CLCA4: variants seen among roughly 807,000 people sequenced by gnomAD.
CLCA4 encodes calcium-activated chloride channel regulator 4.
In CLCA4, 69 loss-of-function variants were observed where a neutral mutation model predicts 78.9. The observed-to-expected ratio is 0.87, with a 90% CI of 0.72 to 1.07. The LOEUF (loss-of-function observed/expected upper bound fraction) is 1.07, where lower values mean the gene tolerates loss of function less well. Ranked by LOEUF, CLCA4 falls within the 50% of genes least tolerant of loss-of-function variation. The pLI is 0.00. For missense variants in CLCA4, 1,133 were observed against 1,095.8 expected, an observed-to-expected ratio of 1.03 and a Z score of -0.48; for synonymous variants, 362 against 375.8, an observed-to-expected ratio of 0.96 and a Z score of 0.42.
At chr1:86,567,331 G>A in intron 6 of CLCA4, 93 bp from the exon 7 acceptor site, 2 of 1,041,032 alleles carry the variant, frequency 1.9e-6, no homozygotes, top group Non-Finnish European at 2.8e-6. Flanking sequence ...CATAGAAAAT[G>A]TTACCAATAA....
chr1:86,577,770 A>T, intron 11 of CLCA4, 132 bp from the exon 12 acceptor site: 1 of 667,370 alleles, frequency 1.5e-6, no homozygotes, highest in South Asian at 2.1e-5. Flanking sequence ...ATATAATGGA[A>T]ATATTCTCCA....
At chr1:86,579,208 G>A (rs1370332062) in intron 12 of CLCA4, 146 bp from the exon 13 acceptor site, 1 of 638,780 alleles carries the variant, frequency 1.6e-6, no homozygotes, top group African/African-American at 1.8e-5. Flanking sequence ...TCACCAGTTG[G>A]GCGCTTATGA....
chr1:86,579,204 G>A (rs1346709036), intron 12 of CLCA4, 150 bp from the exon 13 acceptor site: 1 of 635,216 alleles, frequency 1.6e-6, no homozygotes, highest in East Asian at 2.7e-5. Context: ...TCTCTCACCA[G>A]TTGGGCGCTT....
rs556125497 is a variant in CLCA4 at position 86,558,016 on chromosome 1, CT to C, written c.160-1910del. 5.6e-3 allele frequency among the ~76,000 whole-genome samples: 854 copies of C among 151,772 alleles called. 9 individuals carry two copies. The highest frequency in any genetic ancestry group is 0.02 in the African/African-American group (836 of 41,378). ...TCTGAAATTAGGATTACAACCCCTG[CT>C]TTTTTCTGCTTTGCATTTGCTTGGT... On this transcript the variant is annotated intron_variant, in intron 1 of 13. Coordinates refer to ENST00000370563, the MANE Select transcript of CLCA4 (RefSeq NM_012128.4).
chr1:86,566,990 A>T (rs1650211022), intron 6 of CLCA4, among the ~76,000 whole-genome samples: 1 of 152,026 alleles, frequency 6.6e-6, no homozygotes, highest in Non-Finnish European at 1.5e-5. Context: ...TCTAGTTTCC[A>T]GTGGATGGAG....
chr1:86,572,497 C>T (rs895477859), intron 8 of CLCA4, 117 bp from the exon 9 acceptor site: 11 of 628,976 alleles, frequency 1.7e-5, no homozygotes, highest in Non-Finnish European at 3.1e-5. Flanking sequence ...TGCTTTTGGT[C>T]TATTTTAATA....
At chr1:86,576,708 T>C (rs1356205933) in intron 11 of CLCA4, among the ~76,000 whole-genome samples, 2 of 151,982 alleles carry the variant, frequency 1.3e-5, no homozygotes, top group African/African-American at 2.4e-5. Flanking sequence ...AGTATAAATA[T>C]AGTCCTGAGA....
At chr1:86,554,440 T>C (rs1401234260) in intron 1 of CLCA4, among the ~76,000 whole-genome samples, 1 of 152,094 alleles carries the variant, frequency 6.6e-6, no homozygotes, top group Non-Finnish European at 1.5e-5. Flanking sequence ...AATTTTTGTA[T>C]TTTTAGTAGA....
chr1:86,580,035 C>A lies in CLCA4; in HGVS notation c.2450C>A (p.Pro817Gln). 1 of 1,612,558 alleles carries A rather than the reference C, an allele frequency of 6.2e-7. No homozygotes were observed. The highest frequency in any genetic ancestry group is 8.5e-7 in the Non-Finnish European group (1 of 1,179,162). ...ALQVNTTDLS[P>Q]KEANSKESFA... is the part of the protein sequence containing the mutation. ...CAAGTAAATACTACTGATCTGTCAC[C>A]AAAGGAGGCCAACTCCAAGGAAAGC... Residue 817 changes from proline (P) to glutamine (Q), a missense_variant, in exon 14 of 14, where the codon CCA (proline) becomes CAA (glutamine). Coordinates refer to ENST00000370563, the MANE Select transcript of CLCA4 (RefSeq NM_012128.4).
chr1:86,552,821 G>A (rs1228903924), intron 1 of CLCA4: 2 of 952,308 alleles, frequency 2.1e-6, no homozygotes, highest in Non-Finnish European at 3.4e-6. Context: ...TCCATGTAGC[G>A]GGGGATTTTA....
rs762313334 is a variant in CLCA4 at position 86,579,977 on chromosome 1, C to G, written c.2392C>G (p.Leu798Val). Reference protein sequence around the residue: ...RYIIRISASILDLRDSFDDAL... With the variant: ...RYIIRISASIVDLRDSFDDAL... ...TATCATAAGAATAAGTGCAAGTATTCTTGATCTAAGAGACAGTTTTGATGA... is the reference window on the plus strand; with the variant it reads ...TATCATAAGAATAAGTGCAAGTATTGTTGATCTAAGAGACAGTTTTGATGA... Residue 798 changes from leucine to valine, a missense_variant, in exon 14 of 14, where the codon CTT becomes GTT. Leu to Val is a conservative substitution (Grantham distance 32). Transcript: ENST00000370563. 3 of 1,600,584 alleles carry G rather than the reference C, an allele frequency of 1.9e-6. No individual in the cohort carries two copies. Among genetic ancestry groups the G allele is most frequent in the Non-Finnish European group, 2.6e-6 (3 of 1,173,612 alleles).
chr1:86,548,420 T>C (rs1224187773), intron 1 of CLCA4, among the ~76,000 whole-genome samples: 1 of 152,106 alleles, frequency 6.6e-6, no homozygotes, highest in Non-Finnish European at 1.5e-5. Context: ...GTGGCTCTCA[T>C]GCCTGTAATC....
intron 1 of CLCA4, among the ~76,000 whole-genome samples, chr1:86,556,467 G>C (rs1413147455): frequency 6.6e-6 from 1 of 152,124 alleles, no homozygotes; most frequent in Non-Finnish European, 1.5e-5. Context: ...CTTTAGTCCT[G>C]TTTATGTGAT....
At chr1:86,553,082 C>T in intron 1 of CLCA4, 1 of 700,378 alleles carries the variant, frequency 1.4e-6, no homozygotes, top group East Asian at 2.5e-5. Flanking sequence ...TCCAGCGGCG[C>T]CCACCCTGCA....
chr1:86,568,444 A>G (rs989539192), intron 7 of CLCA4, among the ~76,000 whole-genome samples: 5 of 150,520 alleles, frequency 3.3e-5, no homozygotes, highest in African/African-American at 1.2e-4. Flanking sequence ...TATGAACATT[A>G]TTTTTAGCCA....
chr1:86,556,254 T>A (rs1649837784), intron 1 of CLCA4, among the ~76,000 whole-genome samples: 2 of 152,224 alleles, frequency 1.3e-5, no homozygotes, highest in Non-Finnish European at 2.9e-5. Context: ...ATAGGAGTGG[T>A]GAGAGACAGC....
intron 5 of CLCA4, 78 bp downstream of exon 5, chr1:86,565,529 G>C: frequency 8.7e-7 from 1 of 1,149,560 alleles, no homozygotes; most frequent in South Asian, 1.5e-5. Flanking sequence ...CTGTTCAGGT[G>C]ACCTGAGGAT....
chr1:86,579,426 G>T lies in CLCA4; in HGVS notation c.2195G>T (p.Arg732Leu), dbSNP rs762204575. 4 of 1,613,164 alleles carry T rather than the reference G, an allele frequency of 2.5e-6. No individual in the cohort carries two copies. In the African/African-American group the frequency reaches 4.0e-5, roughly 16 times the overall value. The change falls in exon 13 of 14, where the codon CGA (arginine) becomes CTA (leucine). Residue 732 changes from arginine (R) to leucine (L), a missense_variant. Physicochemically the swap from Arg to Leu is moderately radical, Grantham distance 102. Coordinates refer to ENST00000370563, the MANE Select transcript of CLCA4 (RefSeq NM_012128.4). The part of the protein sequence containing the change: ...DTQTTLEDFS[R>L]TASGGAFVVS... ...CAGACCACCTTGGAGGATTTCAGCCGAACAGCATCCGGAGGTGCATTTGTG... is the reference window on the plus strand; with the variant it reads ...CAGACCACCTTGGAGGATTTCAGCCTAACAGCATCCGGAGGTGCATTTGTG...
chr1:86,565,860 T>C lies in CLCA4; in HGVS notation c.794T>C (p.Ile265Thr), dbSNP rs760725513. ...HNQEAPSLQN[I>T]KCNFRSTWEV... is the part of the protein sequence containing the mutation. ...CAAGAAGCTCCAAGCCTACAAAACATAAAGTGCAATTTTAGAAGTACATGG... is the reference window on the plus strand; with the variant it reads ...CAAGAAGCTCCAAGCCTACAAAACACAAAGTGCAATTTTAGAAGTACATGG... The change falls in exon 6 of 14, where the codon ATA (isoleucine) becomes ACA (threonine). Residue 265 changes from isoleucine to threonine, a missense_variant. Ile to Thr is a moderately conservative substitution (Grantham distance 89). Coordinates refer to ENST00000370563, the MANE Select transcript of CLCA4 (RefSeq NM_012128.4). The C allele has an allele frequency of 6.2e-7, 1 of 1,603,926 alleles. No individual in the cohort carries two copies. Among genetic ancestry groups the C allele is most frequent in the Admixed American group, 1.7e-5 (1 of 59,048 alleles).
Sources: gnomAD v4.1 joint callset for allele counts (sites outside exome capture counted in the v4.1 genomes callset) on GRCh38, gnomAD v4.1.1 for gene constraint, MANE v1.5 for transcripts, NCBI Gene and HGNC (gene_info 2026-07-23, HGNC 2026-07-21) for gene names.